KSR1: variants seen among roughly 807,000 people sequenced by gnomAD.
KSR1 encodes the protein kinase suppressor of ras 1, also known as kinase suppressor of ras.
A neutral mutation model predicts 92.9 loss-of-function variants in KSR1; 35 were observed. That is an observed-to-expected ratio of 0.38 (90% CI 0.29 to 0.50). The LOEUF is 0.50. Among genes scored for constraint, KSR1 ranks in the 20% least tolerant of loss-of-function variants. The probability of loss-of-function intolerance (pLI) is 0.94; values close to 1 mark genes in which losing one functional copy is unlikely to be tolerated. For synonymous variants in KSR1, 467 were observed against 472.6 expected, an observed-to-expected ratio of 0.99 and a Z score of 0.15; for missense variants, 972 against 1,158.5, an observed-to-expected ratio of 0.84 and a Z score of 2.34.
chr17:27,483,504 T>C (rs921779891), intron 1 of KSR1, among the ~76,000 whole-genome samples: 8 of 151,438 alleles, frequency 5.3e-5, no homozygotes, highest in Non-Finnish European at 1.2e-4. Flanking sequence ...GGAGAATCGC[T>C]TGAACGTGGG....
intron 2 of KSR1, among the ~76,000 whole-genome samples, chr17:27,568,509 G>A (rs549525193): frequency 1.4e-4 from 21 of 152,376 alleles, no homozygotes; most frequent in Admixed American, 1.3e-3. Flanking sequence ...ATGTGGAGGA[G>A]GAGGGGACTC....
intron 1 of KSR1, among the ~76,000 whole-genome samples, chr17:27,536,744 C>G (rs564716543): frequency 6.6e-6 from 1 of 152,298 alleles, no homozygotes; most frequent in Non-Finnish European, 1.5e-5. Flanking sequence ...CTAAGAAGGC[C>G]CTGCTCATGC....
In KSR1 at chr17:27,610,075, A is replaced by G; in HGVS notation, c.2234A>G (p.Asn745Ser). The change falls in exon 17 of 21, where the codon AAC becomes AGC. Residue 745 changes from asparagine to serine, a missense_variant. Asn to Ser is a conservative substitution (Grantham distance 46, BLOSUM62 1). Coordinates refer to ENST00000644974, the MANE Select transcript of KSR1 (RefSeq NM_001394583.1). Reference sequence around the variant, plus strand: ...GGCTTCCTGGTCTCCAGGCGTGAGAACCAGCTAAAGCTGTCCCACGACTGG... The same window carrying G: ...GGCTTCCTGGTCTCCAGGCGTGAGAGCCAGCTAAAGCTGTCCCACGACTGG... ...SGVVREGRRE[N>S]QLKLSHDWLC... The G allele has an allele frequency of 6.2e-7, 1 of 1,613,902 alleles. No homozygotes were observed. The highest frequency in any genetic ancestry group is 8.5e-7 in the Non-Finnish European group (1 of 1,179,836).
At position 27,609,313 on chromosome 17, in the gene KSR1, G is replaced by A. The variant is rs375451001; in HGVS notation, c.2209G>A (p.Val737Met). ...CTTCGGGCTGTTTGGGATCTCAGGC[G>A]TGGTCCGAGAGGGACGGTGAGTTGG... ...TDFGLFGISG[V>M]VREGRRENQL... Residue 737 changes from valine to methionine, a missense_variant, in exon 16 of 21, where the codon GTG (valine) becomes ATG (methionine). Val to Met is a conservative substitution (Grantham distance 21, BLOSUM62 1). Around this residue, in one of 5 missense-constraint regions of KSR1, gnomAD observed 260 missense variants for 375.2 expected, o/e 0.69. Transcript: ENST00000644974. 2.2e-5 allele frequency: 35 copies of A among 1,613,846 alleles called. 1 individual carries two copies. Among genetic ancestry groups the A allele is most frequent in the Admixed American group, 1.7e-4 (10 of 60,000 alleles).
intron 1 of KSR1, among the ~76,000 whole-genome samples, chr17:27,513,858 G>T (rs1269674968): frequency 6.6e-6 from 1 of 152,232 alleles, no homozygotes; most frequent in Non-Finnish European, 1.5e-5. Flanking sequence ...AGGTCCTCCA[G>T]AGTGGACCTG....
In KSR1 at chr17:27,577,495, A is replaced by T; in HGVS notation, c.376A>T (p.Ile126Phe). 6.5e-7 allele frequency: 1 copy of T among 1,530,358 alleles called. No homozygotes were observed. Among genetic ancestry groups the T allele is most frequent in the Non-Finnish European group, 8.9e-7 (1 of 1,125,886 alleles). 94.8% of individuals were successfully genotyped at this position (1,530,358 alleles called of 1,614,324 possible). ...FNVRPEVVQE[I>F]PRDLTLDALL... ...GCCTGTCCCTCTGTCCCCTTAGGAG[A>T]TCCCCCGAGACCTCACGCTGGATGC... Residue 126 changes from isoleucine to phenylalanine, a missense_variant, in exon 3 of 21, where the codon ATC (isoleucine) becomes TTC (phenylalanine). Coordinates refer to ENST00000644974, the MANE Select transcript of KSR1 (RefSeq NM_001394583.1). The surrounding 1 kb of genome is among the most constrained non-coding windows in gnomAD (Gnocchi z 4.5).
chr17:27,495,218 G>C lies in KSR1; in HGVS notation c.231+38344G>C, dbSNP rs563111728. On this transcript the variant is annotated intron_variant, in intron 1 of 20. Transcript: ENST00000644974. Reference sequence around the variant, plus strand: ...CGCCTCAGTGGTACAGGGTTCTGGGGGTATATGCAGCGGCTGCTCCTCTCC... The same window carrying C: ...CGCCTCAGTGGTACAGGGTTCTGGGCGTATATGCAGCGGCTGCTCCTCTCC... Among the ~76,000 whole-genome samples, 3 of 152,296 alleles carry C rather than the reference G, an allele frequency of 2.0e-5. No individual in the cohort carries two copies. The East Asian group carries it at 5.8e-4, about 29-fold the overall frequency.
In KSR1 at chr17:27,459,603, T is replaced by G. The variant is rs528899359; in HGVS notation, c.231+2729T>G. On this transcript the variant is annotated intron_variant, in intron 1 of 20. Transcript: ENST00000644974. The surrounding 1 kb of genome is among the most constrained non-coding windows in gnomAD (Gnocchi z 4.6). ...CACACCAGGCCGTGGCCCCAGAGAC[T>G]GTGCTTGCAACACTGGATTCCTGGC... Among the ~76,000 whole-genome samples, 1 of 152,242 alleles carries G rather than the reference T, an allele frequency of 6.6e-6. No homozygotes were observed. Among genetic ancestry groups the G allele is most frequent in the Non-Finnish European group, 1.5e-5 (1 of 68,028 alleles).
At chr17:27,588,946 C>A (rs187886261) in intron 6 of KSR1, among the ~76,000 whole-genome samples, 2 of 152,282 alleles carry the variant, frequency 1.3e-5, no homozygotes, top group East Asian at 1.9e-4. Flanking sequence ...CCGGGCTCCA[C>A]CCCTAAGGTT....
chr17:27,619,507 C>T lies in KSR1; in HGVS notation c.2628-1686C>T, dbSNP rs553499049. Among the ~76,000 whole-genome samples the T allele has an allele frequency of 2.2e-4, 34 of 151,460 alleles. No homozygotes were observed. In the South Asian group the frequency reaches 6.9e-3, roughly 31 times the overall value. On this transcript the variant is annotated intron_variant, in intron 19 of 20. Coordinates refer to ENST00000644974, the MANE Select transcript of KSR1 (RefSeq NM_001394583.1). ...CCACCTCCCGGGTTCAAGCGATTCTCCTGCCTCAGCCTTCTGAGTAGCTGG... is the reference window on the plus strand; with the variant it reads ...CCACCTCCCGGGTTCAAGCGATTCTTCTGCCTCAGCCTTCTGAGTAGCTGG...
At chr17:27,468,038 C>T (rs2019788634) in intron 1 of KSR1, among the ~76,000 whole-genome samples, 2 of 151,920 alleles carry the variant, frequency 1.3e-5, no homozygotes, top group Non-Finnish European at 2.9e-5. Flanking sequence ...AGGATGGTCT[C>T]GATCTCCTGA....
intron 1 of KSR1, among the ~76,000 whole-genome samples, chr17:27,528,334 T>A (rs992032096): frequency 1.3e-5 from 2 of 152,234 alleles, no homozygotes; most frequent in Non-Finnish European, 2.9e-5. Flanking sequence ...CCCAAAGTGC[T>A]GGGATTACGG....
intron 1 of KSR1, among the ~76,000 whole-genome samples, chr17:27,483,028 A>C (rs1202129438): frequency 6.6e-6 from 1 of 152,224 alleles, no homozygotes; most frequent in African/African-American, 2.4e-5. Flanking sequence ...GCCCACTGCC[A>C]AGTTTTAACC....
intron 1 of KSR1, among the ~76,000 whole-genome samples, chr17:27,486,721 G>T (rs760201505): frequency 8.5e-5 from 13 of 152,186 alleles, no homozygotes; most frequent in Non-Finnish European, 1.3e-4. Context: ...AGACTGCAGT[G>T]GGGGAGGGAG....
intron 2 of KSR1, among the ~76,000 whole-genome samples, chr17:27,555,511 CGTGTGTGTGTGT>C (rs71359222): frequency 1.3e-3 from 197 of 150,202 alleles, no homozygotes; most frequent in Non-Finnish European, 1.9e-3. Context: ...TTTTGTTTGG[CGTGTGTGTGTGT>C]GTGTGTGTGT....
intron 18 of KSR1, among the ~76,000 whole-genome samples, chr17:27,615,793 C>G (rs756429047): frequency 5.3e-5 from 8 of 152,178 alleles, no homozygotes; most frequent in Non-Finnish European, 7.3e-5. Flanking sequence ...CCTGAAAAAA[C>G]TGCCTCCCAG....
At chr17:27,531,466 G>T (rs909224704) in intron 1 of KSR1, among the ~76,000 whole-genome samples, 1 of 152,222 alleles carries the variant, frequency 6.6e-6, no homozygotes, top group Non-Finnish European at 1.5e-5. Flanking sequence ...TCTGGAGGGG[G>T]TGTAGTGAAT....
In KSR1 at chr17:27,611,006, C is replaced by T. The variant is rs547893687; in HGVS notation, c.2358-488C>T. Reference sequence around the variant, plus strand: ...GAGAGGCCAAGGAAGGCTCACCACCCCGGTCACCTGTGCTGTATCTGGGTA... The same window carrying T: ...GAGAGGCCAAGGAAGGCTCACCACCTCGGTCACCTGTGCTGTATCTGGGTA... On this transcript the variant is annotated intron_variant, in intron 17 of 20. Transcript: ENST00000644974. 3.3e-5 allele frequency among the ~76,000 whole-genome samples: 5 copies of T among 152,310 alleles called. No homozygotes were observed. The East Asian group carries it at 9.6e-4, about 29-fold the overall frequency.
chr17:27,466,060 G>C (rs2019679455), intron 1 of KSR1, among the ~76,000 whole-genome samples: 2 of 152,210 alleles, frequency 1.3e-5, no homozygotes, highest in South Asian at 4.1e-4. Flanking sequence ...TGCGGATGAG[G>C]ATTTGTGTTT....
Sources: allele counts gnomAD v4.1 joint callset (sites outside exome capture counted in the v4.1 genomes callset), GRCh38; gene constraint gnomAD v4.1.1; regional missense constraint gnomAD v4.1.1; non-coding constraint Gnocchi (gnomAD v3.1); transcripts MANE v1.5; gene names NCBI Gene and HGNC (gene_info 2026-07-23, HGNC 2026-07-21).